DACH2: variants seen among roughly 807,000 people sequenced by gnomAD.
The protein encoded by DACH2 is dachshund homolog 2.
In DACH2, 17 loss-of-function variants were observed where a neutral mutation model predicts 35.8. The ratio of observed to expected loss-of-function variants is 0.48; its 90% CI spans 0.33 to 0.71. The LOEUF (loss-of-function observed/expected upper bound fraction) is 0.71, where lower values mean the gene tolerates loss of function less well. Among genes scored for constraint, DACH2 ranks in the 30% least tolerant of loss-of-function variants. The pLI, the probability that DACH2 is intolerant of heterozygous loss-of-function variation, is 0.02. For missense variants in DACH2, 469 were observed against 472.7 expected (o/e 0.99, Z 0.07); for synonymous variants, 195 against 177.3 (o/e 1.10, Z -0.79).
At position 86,325,847 on chromosome X, in the gene DACH2, G is replaced by C. The variant is rs187250049; in HGVS notation, c.489-50977G>C. On this transcript the variant is annotated intron_variant, in intron 1 of 11. Transcript: ENST00000373125. ...TAGCAGAAAAAGTGGGAGCTTTGGA[G>C]TAGATAGATATGGGTTTGATCCTTG... Among the ~76,000 whole-genome samples the C allele has an allele frequency of 2.7e-5, 3 of 111,956 alleles. No homozygotes were observed. The East Asian group carries it at 8.5e-4, about 32-fold the overall frequency.
At chrX:86,192,690 G>T (rs2031866221) in intron 1 of DACH2, among the ~76,000 whole-genome samples, 1 of 112,218 alleles carries the variant, frequency 8.9e-6, no homozygotes, top group African/African-American at 3.2e-5. Flanking sequence ...TTTAGGATTA[G>T]AACAGGAATA....
At chrX:86,284,703 A>G (rs749960470) in intron 1 of DACH2, among the ~76,000 whole-genome samples, 41 of 111,462 alleles carry the variant, frequency 3.7e-4, no homozygotes, top group African/African-American at 1.3e-3. Context: ...AATGTTTTGT[A>G]GAATTCAACA....
chrX:86,648,934 C>A (rs1001553437), intron 3 of DACH2, among the ~76,000 whole-genome samples: 2 of 110,029 alleles, frequency 1.8e-5, no homozygotes, highest in Non-Finnish European at 3.8e-5. Flanking sequence ...GTAAGGAGAT[C>A]GTATCCTTTA....
chrX:86,831,450 C>T (rs2042610577), intron 11 of DACH2: 1 of 111,260 alleles, frequency 9.0e-6, no homozygotes, highest in South Asian at 3.7e-4. Context: ...AGGTTATAAG[C>T]CATTGCTATG....
At chrX:86,470,763 C>T (rs1451778553) in intron 2 of DACH2, among the ~76,000 whole-genome samples, 1 of 110,983 alleles carries the variant, frequency 9.0e-6, no homozygotes. Context: ...ATCAAAACTG[C>T]ACTTGTACTC....
At chrX:86,267,903 TCTC>T (rs777485688) in intron 1 of DACH2, among the ~76,000 whole-genome samples, 65 of 111,929 alleles carry the variant, frequency 5.8e-4, no homozygotes, top group African/African-American at 2.0e-3. Flanking sequence ...TAAAAGAACT[TCTC>T]CTTACATAAA....
chrX:86,497,046 T>C (rs1285792330), intron 2 of DACH2, among the ~76,000 whole-genome samples: 8 of 111,872 alleles, frequency 7.2e-5, no homozygotes, highest in Non-Finnish European at 1.9e-5. Flanking sequence ...TTTCAGAAAA[T>C]GTTACAAGGG....
At chrX:86,574,230 T>TAA (rs2039407970) in intron 3 of DACH2, among the ~76,000 whole-genome samples, 1 of 111,248 alleles carries the variant, frequency 9.0e-6, no homozygotes, top group South Asian at 3.8e-4. Context: ...AAGAGGCTCC[T>TAA]GGTAATCTAA....
At chrX:86,396,129 C>A (rs1209035397) in intron 2 of DACH2, among the ~76,000 whole-genome samples, 1 of 108,314 alleles carries the variant, frequency 9.2e-6, no homozygotes, top group Non-Finnish European at 1.9e-5. Context: ...TGCATTTCTC[C>A]GATGGCCAGT....
At chrX:86,279,793 A>C (rs756435649) in intron 1 of DACH2, among the ~76,000 whole-genome samples, 2 of 110,028 alleles carry the variant, frequency 1.8e-5, no homozygotes, top group Non-Finnish European at 3.8e-5. Flanking sequence ...CAAATTTCTA[A>C]CTAGAATAAA....
At chrX:86,451,493 A>T (rs1455999412) in intron 2 of DACH2, among the ~76,000 whole-genome samples, 1 of 111,430 alleles carries the variant, frequency 9.0e-6, no homozygotes, top group Non-Finnish European at 1.9e-5. Context: ...AGGTAGCATG[A>T]TATCTCCAGC....
intron 2 of DACH2, among the ~76,000 whole-genome samples, chrX:86,402,755 A>C (rs2036456583): frequency 8.9e-6 from 1 of 112,120 alleles, no homozygotes; most frequent in Non-Finnish European, 1.9e-5. Flanking sequence ...ACAAAACCAG[A>C]GACATCATAC....
intron 1 of DACH2, among the ~76,000 whole-genome samples, chrX:86,195,126 G>T (rs751675592): frequency 1.6e-4 from 18 of 112,815 alleles, no homozygotes; most frequent in Non-Finnish European, 3.0e-4. Context: ...GCCAGCATGT[G>T]CGTGTACAGG....
At chrX:86,488,638 T>C (rs2038051032) in intron 2 of DACH2, among the ~76,000 whole-genome samples, 1 of 111,292 alleles carries the variant, frequency 9.0e-6, no homozygotes, top group Admixed American at 9.6e-5. Flanking sequence ...AATATAAATA[T>C]TTGAAGTAAT....
intron 3 of DACH2, among the ~76,000 whole-genome samples, chrX:86,614,171 A>G (rs1462463433): frequency 8.9e-6 from 1 of 111,812 alleles, no homozygotes; most frequent in Non-Finnish European, 1.9e-5. Flanking sequence ...TGACAAAATG[A>G]CTATATTATC....
chrX:86,340,319 A>G (rs1336840167), intron 1 of DACH2, among the ~76,000 whole-genome samples: 1 of 111,478 alleles, frequency 9.0e-6, no homozygotes, highest in Non-Finnish European at 1.9e-5. Flanking sequence ...GTATGCAAAC[A>G]TTTTCATTAT....
At chrX:86,706,336 T>C (rs753235945) in intron 5 of DACH2, among the ~76,000 whole-genome samples, 1 of 111,365 alleles carries the variant, frequency 9.0e-6, no homozygotes, top group South Asian at 3.8e-4. Flanking sequence ...AGAGCAATGT[T>C]ATAAAGGACT....
intron 3 of DACH2, among the ~76,000 whole-genome samples, chrX:86,549,481 T>C (rs973993131): frequency 2.1e-4 from 23 of 111,295 alleles, no homozygotes; most frequent in African/African-American, 7.5e-4. Context: ...ATTTTAAATG[T>C]ACAATTATTT....
At chrX:86,514,129 C>G (rs1437470971) in intron 2 of DACH2, 150 bp from the exon 3 acceptor site, 1 of 509,280 alleles carries the variant, frequency 2.0e-6, no homozygotes, top group East Asian at 3.7e-5. Flanking sequence ...AAGAATTGGT[C>G]TCTTAGTAAT....
Sources: allele counts gnomAD v4.1 joint callset (sites outside exome capture counted in the v4.1 genomes callset), GRCh38; gene constraint gnomAD v4.1.1; transcripts MANE v1.5; gene names NCBI Gene and HGNC (gene_info 2026-07-23, HGNC 2026-07-21).